SLCO5A1: variants seen among roughly 807,000 people sequenced by gnomAD.
SLCO5A1 encodes organic anion transporter polypeptide-related protein 4.
A neutral mutation model predicts 65.1 loss-of-function variants in SLCO5A1; 39 were observed. The observed-to-expected ratio is 0.60, with a 90% CI of 0.46 to 0.78. The LOEUF is 0.78. Among genes scored for constraint, SLCO5A1 ranks in the 30% least tolerant of loss-of-function variants. SLCO5A1 has a pLI of 0.00. For missense variants in SLCO5A1, 1,029 were observed against 1,069.4 expected, an observed-to-expected ratio of 0.96 and a Z score of 0.53; for synonymous variants, 438 against 415.7, an observed-to-expected ratio of 1.05 and a Z score of -0.65.
Position 69,832,393 on chromosome 8 carries a change from T to G in SLCO5A1, c.281A>C (p.Asp94Ala). The change falls in exon 2 of 10, where the codon GAC becomes GCC. Residue 94 changes from aspartate (D) to alanine (A), a missense_variant. Coordinates refer to ENST00000260126, the MANE Select transcript of SLCO5A1 (RefSeq NM_030958.3). The surrounding 1 kb of genome is among the most constrained non-coding windows in gnomAD (Gnocchi z 4.5). ...GCTGAGGTCCACCCTGTGGTTACAG[T>G]CCCCGAGCCCCGCCGAAGTGGACGG... ...SAPSTSAGLG[D>A]CNHRVDLSKT... is the part of the protein sequence containing the mutation. 1 of 1,610,424 alleles carries G rather than the reference T, an allele frequency of 6.2e-7. No homozygotes were observed. Among genetic ancestry groups the G allele is most frequent in the East Asian group, 2.2e-5 (1 of 44,738 alleles).
intron 2 of SLCO5A1, among the ~76,000 whole-genome samples, chr8:69,780,520 T>A (rs1044940803): frequency 1.3e-5 from 2 of 152,154 alleles, no homozygotes; most frequent in East Asian, 3.9e-4. Flanking sequence ...GTAACTGGAG[T>A]CCATTATCCT....
chr8:69,764,627 C>T lies in SLCO5A1; in HGVS notation c.908-2752G>A, dbSNP rs189607719. Among the ~76,000 whole-genome samples the T allele has an allele frequency of 1.2e-4, 19 of 152,242 alleles. No homozygotes were observed. The East Asian group carries it at 3.7e-3, about 29-fold the overall frequency. On this transcript the variant is annotated intron_variant, in intron 2 of 9. Transcript: ENST00000260126. ...ATAAAATTAGAATTTTGATAAAGATCTTGTTAATCTCTTTGTTTATAGTCT... is the reference window on the plus strand; with the variant it reads ...ATAAAATTAGAATTTTGATAAAGATTTTGTTAATCTCTTTGTTTATAGTCT...
chr8:69,828,013 C>G (rs935516825), intron 2 of SLCO5A1, among the ~76,000 whole-genome samples: 3 of 152,208 alleles, frequency 2.0e-5, no homozygotes, highest in Admixed American at 6.5e-5. Context: ...GAAGGAAGCT[C>G]GAGGGCCCTG....
intron 2 of SLCO5A1, among the ~76,000 whole-genome samples, chr8:69,763,614 C>CAAAAAAAAAA (rs770191440): frequency 1.5e-4 from 2 of 13,168 alleles, no homozygotes; most frequent in Non-Finnish European, 1.6e-4. Context: ...AGCAAGACTC[C>CAAAAAAAAAA]AAAAAAAAAA....
intron 2 of SLCO5A1, among the ~76,000 whole-genome samples, chr8:69,774,126 G>T (rs1351582722): frequency 4.6e-5 from 7 of 152,232 alleles, no homozygotes; most frequent in South Asian, 2.1e-4. Context: ...GCACTAATAA[G>T]CCTTTATTGA....
intron 2 of SLCO5A1, among the ~76,000 whole-genome samples, chr8:69,784,286 T>G (rs755963201): frequency 2.6e-5 from 4 of 152,168 alleles, no homozygotes; most frequent in Non-Finnish European, 4.4e-5. Context: ...GAAAATAATC[T>G]ATGCAAAAAT....
At chr8:69,722,810 T>A (rs1174498882) in intron 5 of SLCO5A1, among the ~76,000 whole-genome samples, 1 of 151,728 alleles carries the variant, frequency 6.6e-6, no homozygotes, top group Non-Finnish European at 1.5e-5. Flanking sequence ...TGTGTGTGAA[T>A]ATTTGTGTGT....
intron 2 of SLCO5A1, among the ~76,000 whole-genome samples, chr8:69,819,871 G>A (rs1037504665): frequency 5.9e-5 from 9 of 152,178 alleles, no homozygotes; most frequent in Non-Finnish European, 2.9e-5. Context: ...ACTGAGACAG[G>A]AGAATCGCTT....
At chr8:69,705,655 A>G (rs1814937320) in intron 5 of SLCO5A1, among the ~76,000 whole-genome samples, 2 of 152,260 alleles carry the variant, frequency 1.3e-5, no homozygotes, top group Admixed American at 6.5e-5. Flanking sequence ...ATCATTACAC[A>G]TTCTATGCAT....
intron 2 of SLCO5A1, among the ~76,000 whole-genome samples, chr8:69,804,520 T>A (rs1174075532): frequency 6.6e-6 from 1 of 152,140 alleles, no homozygotes; most frequent in Non-Finnish European, 1.5e-5. Context: ...TTCACCATGT[T>A]GCCCAGGCTG....
chr8:69,779,138 G>C (rs764866490), intron 2 of SLCO5A1, among the ~76,000 whole-genome samples: 2 of 152,036 alleles, frequency 1.3e-5, no homozygotes, highest in Admixed American at 6.6e-5. Flanking sequence ...AAAGTTTGCC[G>C]GCCCTTATAA....
rs144435952 is a variant in SLCO5A1 at position 69,673,227 on chromosome 8, T to C, written c.2189A>G (p.Asn730Ser). Residue 730 changes from asparagine (N) to serine (S), a missense_variant, in exon 10 of 10, where the codon AAC becomes AGC. By Grantham distance (46) the Asn-to-Ser change is conservative. Transcript: ENST00000260126. Reference sequence around the variant, plus strand: ...ATACACAAAACGAAACGACGTCACGTTGTACTCCCAGCAAGAACCCTGCAC... The same window carrying C: ...ATACACAAAACGAAACGACGTCACGCTGTACTCCCAGCAAGAACCCTGCAC... ...CGVQGSCWEYNVTSFRFVYFG... is the reference protein window; with the variant it reads ...CGVQGSCWEYSVTSFRFVYFG... The C allele has an allele frequency of 2.8e-5, 46 of 1,614,056 alleles. No homozygotes were observed. Among genetic ancestry groups the C allele is most frequent in the Non-Finnish European group, 3.6e-5 (43 of 1,180,046 alleles).
intron 7 of SLCO5A1, among the ~76,000 whole-genome samples, chr8:69,681,930 C>T (rs1228725032): frequency 6.6e-6 from 1 of 151,884 alleles, no homozygotes; most frequent in South Asian, 2.1e-4. Flanking sequence ...ACTGACTTGG[C>T]GCAGAATATA....
Position 69,833,016 on chromosome 8 carries a change from C to T in SLCO5A1, c.-343G>A. On this transcript the variant is annotated 5_prime_UTR_variant, in exon 2 of 10. Coordinates refer to ENST00000260126, the MANE Select transcript of SLCO5A1 (RefSeq NM_030958.3). ...CCCTCCGCCGCCGCCGCCGCCGCCG[C>T]CGCTGGGCCCGCGGCCAGGAGCGAG... 1 of 311,750 alleles carries T rather than the reference C, an allele frequency of 3.2e-6. No homozygotes were observed. The highest frequency in any genetic ancestry group is 5.7e-6 in the Non-Finnish European group (1 of 175,836). The allele number at this position is 311,750 out of a possible 1,614,324, so 19.3% of individuals were successfully genotyped here.
At chr8:69,824,236 C>T (rs1190572392) in intron 2 of SLCO5A1, among the ~76,000 whole-genome samples, 1 of 152,004 alleles carries the variant, frequency 6.6e-6, no homozygotes, top group Non-Finnish European at 1.5e-5. Context: ...CAAGAGCAAA[C>T]ACATTCAAAA....
At chr8:69,834,663 G>A (rs1378688392) in intron 1 of SLCO5A1, among the ~76,000 whole-genome samples, 191 bp downstream of exon 1, 1 of 152,004 alleles carries the variant, frequency 6.6e-6, no homozygotes, top group African/African-American at 2.4e-5. Flanking sequence ...GCGGATCCCG[G>A]CAGGGAGCTC....
At chr8:69,801,465 A>C (rs1038427056) in intron 2 of SLCO5A1, among the ~76,000 whole-genome samples, 5 of 152,246 alleles carry the variant, frequency 3.3e-5, no homozygotes, top group Admixed American at 2.6e-4. Flanking sequence ...TTTGTATTCA[A>C]ATCAACTATG....
chr8:69,738,095 G>A lies in SLCO5A1; in HGVS notation c.1368C>T (p.Pro456=). The change falls in exon 5 of 10, where the codon CCC becomes CCT. Residue 456 remains proline (P), a synonymous_variant. Transcript: ENST00000260126. ...AIVTAFITFI[P]KFIESQFGIP... The stretch of plus-strand genomic sequence containing the variant: ...TACCAAACTGTGACTCGATGAACTT[G>A]GGAATGAAGGTAATGAAAGCAGTTA... The A allele has an allele frequency of 6.2e-7, 1 of 1,613,892 alleles. No homozygotes were observed. The highest frequency in any genetic ancestry group is 1.1e-5 in the South Asian group (1 of 91,062).
chr8:69,802,253 A>C (rs946946537), intron 2 of SLCO5A1, among the ~76,000 whole-genome samples: 1 of 152,196 alleles, frequency 6.6e-6, no homozygotes, highest in Non-Finnish European at 1.5e-5. Flanking sequence ...CTGTAATCCC[A>C]GCACTTTGGG....
Sources: gnomAD v4.1 joint callset for allele counts (sites outside exome capture counted in the v4.1 genomes callset) on GRCh38, gnomAD v4.1.1 for gene constraint, Gnocchi (gnomAD v3.1) non-coding constraint, MANE v1.5 for transcripts, NCBI Gene and HGNC (gene_info 2026-07-23, HGNC 2026-07-21) for gene names.